The following LGSN variants were observed in gnomAD, a reference collection of about 807,000 sequenced individuals.
LGSN encodes lengsin.
LGSN carries 21 observed loss-of-function variants against 19.5 expected under a neutral mutation model. That is an observed-to-expected ratio of 1.07 (90% CI 0.76 to 1.55). The LOEUF is 1.55. Ranked by LOEUF, LGSN falls within the 40% of genes most tolerant of loss-of-function variation. The pLI, the probability that LGSN is intolerant of heterozygous loss-of-function variation, is 0.00. For synonymous variants in LGSN, 257 were observed against 215.6 expected (o/e 1.19, Z -1.68); for missense variants, 673 against 608.5 (o/e 1.11, Z -1.12).
At chr6:63,489,963 G>C in the LGSN span, among the ~76,000 whole-genome samples, 1 of 152,182 alleles carries the variant, frequency 6.6e-6, no homozygotes, top group African/African-American at 2.4e-5. Context: ...ACTTGCCTCA[G>C]CCTCCCAAAG....
the LGSN span, among the ~76,000 whole-genome samples, chr6:63,486,590 G>A: frequency 6.6e-6 from 1 of 152,042 alleles, no homozygotes; most frequent in Admixed American, 6.6e-5. Context: ...CACACAGTGG[G>A]TTTGTGTAAC....
chr6:63,365,889 A>C, the LGSN span, among the ~76,000 whole-genome samples: 49 of 152,280 alleles, frequency 3.2e-4, no homozygotes, highest in South Asian at 3.7e-3. Context: ...AATTCAACAG[A>C]GCTTCATGCT....
At chr6:63,560,885 A>G in the LGSN span, among the ~76,000 whole-genome samples, 19,989 of 152,178 alleles carry the variant, frequency 0.13, 1,654 homozygotes, top group African/African-American at 0.23. Flanking sequence ...GGGGAACAAC[A>G]TCTCTTGAAG....
At chr6:63,325,356 C>A in the LGSN span, among the ~76,000 whole-genome samples, 5 of 152,022 alleles carry the variant, frequency 3.3e-5, no homozygotes, top group African/African-American at 9.7e-5. Context: ...CCTAGCTAGA[C>A]TAACCAGGAA....
chr6:63,392,159 C>G, the LGSN span: 2 of 152,222 alleles, frequency 1.3e-5, no homozygotes, highest in African/African-American at 4.8e-5. Context: ...GACGCCCAGG[C>G]CAGGTGCCTC....
At chr6:63,467,186 T>A in the LGSN span, among the ~76,000 whole-genome samples, 2 of 152,234 alleles carry the variant, frequency 1.3e-5, no homozygotes, top group Admixed American at 6.5e-5. Flanking sequence ...TCATTTGAAT[T>A]GTTCTTTATT....
At chr6:63,359,631 A>G in the LGSN span, among the ~76,000 whole-genome samples, 4 of 152,142 alleles carry the variant, frequency 2.6e-5, no homozygotes, top group African/African-American at 9.7e-5. Flanking sequence ...AGAGGTGTTT[A>G]TAGTATTCTC....
chr6:63,406,480 G>A, the LGSN span, among the ~76,000 whole-genome samples: 1 of 149,750 alleles, frequency 6.7e-6, no homozygotes, highest in Non-Finnish European at 1.5e-5. Context: ...TGAAACCAAA[G>A]AGAACAAAGA....
the LGSN span, among the ~76,000 whole-genome samples, chr6:63,450,274 A>T: frequency 6.6e-6 from 1 of 151,898 alleles, no homozygotes; most frequent in Non-Finnish European, 1.5e-5. Flanking sequence ...AGGCAGGAGA[A>T]TCGCTTGAAC....
At chr6:63,285,879 G>T (rs1013084455) in intron 2 of LGSN, 126 bp from the exon 3 acceptor site, 4 of 712,658 alleles carry the variant, frequency 5.6e-6, no homozygotes, top group African/African-American at 5.4e-5. Context: ...CATGTCACTG[G>T]CTTAGAGTTG....
At chr6:63,459,731 T>C in the LGSN span, among the ~76,000 whole-genome samples, 2 of 152,040 alleles carry the variant, frequency 1.3e-5, no homozygotes, top group African/African-American at 2.4e-5. Context: ...CTGACCAACA[T>C]GATGAAACCC....
chr6:63,403,101 CAGAG>C, the LGSN span, among the ~76,000 whole-genome samples: 14 of 148,850 alleles, frequency 9.4e-5, no homozygotes, highest in Middle Eastern at 3.4e-3. Flanking sequence ...GAGAGAGAGA[CAGAG>C]AGAGAGAGAG....
the LGSN span, among the ~76,000 whole-genome samples, chr6:63,379,976 T>C: frequency 6.6e-6 from 1 of 152,086 alleles, no homozygotes; most frequent in Non-Finnish European, 1.5e-5. Flanking sequence ...TATCTGGGAT[T>C]ACAGGCGCCT....
At chr6:63,535,988 G>A in the LGSN span, among the ~76,000 whole-genome samples, 1 of 151,960 alleles carries the variant, frequency 6.6e-6, no homozygotes, top group Non-Finnish European at 1.5e-5. Flanking sequence ...GGCCAGGGTG[G>A]CCTGGAACTC....
chr6:63,433,967 T>C, the LGSN span, among the ~76,000 whole-genome samples: 34 of 152,234 alleles, frequency 2.2e-4, no homozygotes, highest in African/African-American at 7.9e-4. Context: ...TGAGCAGAGT[T>C]CAATAAAACA....
In LGSN at chr6:63,278,444, G is replaced by A. The variant is rs1767165150; in HGVS notation, c.*1577C>T. The A allele has an allele frequency of 6.6e-6, 1 of 151,824 alleles. No homozygotes were observed. Among genetic ancestry groups the A allele is most frequent in the Non-Finnish European group, 1.5e-5 (1 of 67,980 alleles). The allele number at this position is 151,824 out of a possible 1,614,324, so 9.4% of individuals were successfully genotyped here. A position where few individuals can be genotyped will look rare whatever the true frequency, so the allele number is the denominator to read the frequency against. ...TTCTCTCTACCCCATATGCATCCATGAATTTTATTCTTCTCTTTTTTTTAA... is the reference window on the plus strand; with the variant it reads ...TTCTCTCTACCCCATATGCATCCATAAATTTTATTCTTCTCTTTTTTTTAA... On this transcript the variant is annotated 3_prime_UTR_variant, in exon 4 of 4. Coordinates refer to ENST00000370657, the MANE Select transcript of LGSN (RefSeq NM_016571.3).
At chr6:63,441,732 C>T in the LGSN span, 1 of 407,548 alleles carries the variant, frequency 2.5e-6, no homozygotes, top group Non-Finnish European at 4.7e-6. Context: ...ACAAATTAGG[C>T]CCCCAAATCT....
At chr6:63,438,884 G>A in the LGSN span, among the ~76,000 whole-genome samples, 13 of 152,072 alleles carry the variant, frequency 8.5e-5, no homozygotes, top group Non-Finnish European at 1.5e-4. Context: ...AAATCATGCT[G>A]CTATAAAGAC....
chr6:63,419,941 C>G, the LGSN span, among the ~76,000 whole-genome samples: 1 of 131,136 alleles, frequency 7.6e-6, no homozygotes, highest in African/African-American at 2.9e-5. Flanking sequence ...TATGGTGGCT[C>G]ACACCTGTAA....
Sources: allele counts gnomAD v4.1 joint callset (sites outside exome capture counted in the v4.1 genomes callset), GRCh38; gene constraint gnomAD v4.1.1; transcripts MANE v1.5; gene names NCBI Gene and HGNC (gene_info 2026-07-23, HGNC 2026-07-21).